Variants in THAP5 observed in about 807,000 individuals in gnomAD.
THAP5 encodes THAP domain containing 5, also known as THAP domain-containing protein 5.
A neutral mutation model predicts 34.0 loss-of-function variants in THAP5; 26 were observed. The ratio of observed to expected loss-of-function variants is 0.77; its 90% confidence interval spans 0.56 to 1.06. The LOEUF (loss-of-function observed/expected upper bound fraction) is 1.06, where lower values mean the gene tolerates loss of function less well. Ranked by LOEUF, THAP5 falls within the 50% of genes least tolerant of loss-of-function variation. The pLI, the probability that THAP5 is intolerant of heterozygous loss-of-function variation, is 0.00. For missense variants in THAP5, 394 were observed against 452.8 expected (o/e 0.87, Z 1.18); for synonymous variants, 125 against 153.0 (o/e 0.82, Z 1.35).
chr7:108,553,176 T>C (rs1864364221), downstream of THAP5, among the ~76,000 whole-genome samples: 1 of 152,262 alleles, frequency 6.6e-6, no homozygotes, highest in South Asian at 2.1e-4. Flanking sequence ...TAAATTACAA[T>C]GTCTTCAGTT....
the THAP5 span, among the ~76,000 whole-genome samples, chr7:108,545,992 C>G: frequency 9.9e-5 from 15 of 152,182 alleles, no homozygotes; most frequent in African/African-American, 3.4e-4. Context: ...GGCAAAAGAG[C>G]CAGCACAGAG....
chr7:108,567,930 AAAGTT>A (rs1159072781), intron 1 of THAP5, among the ~76,000 whole-genome samples: 6 of 152,250 alleles, frequency 3.9e-5, no homozygotes, highest in African/African-American at 1.4e-4. Flanking sequence ...TAAGGTCCAC[AAAGTT>A]TAGTTAAAAA....
At chr7:108,543,320 C>T in the THAP5 span, among the ~76,000 whole-genome samples, 1 of 152,068 alleles carries the variant, frequency 6.6e-6, no homozygotes, top group Non-Finnish European at 1.5e-5. Flanking sequence ...ATTGCTTTCC[C>T]AAGAATGAGT....
rs1284247883 is a variant in THAP5, at chr7:108,563,268, T to G, written c.*923A>C. The G allele has an allele frequency of 6.6e-6, 1 of 152,146 alleles. No individual in the cohort carries two copies. The highest frequency in any genetic ancestry group is 6.5e-5 in the Admixed American group (1 of 15,272). The allele number at this position is 152,146 out of a possible 1,614,324, so 9.4% of individuals were successfully genotyped here. A position where few individuals can be genotyped will look rare whatever the true frequency, so the allele number is the denominator to read the frequency against. ...AAAGTTCTATCTTGGCCAGGCGCGG[T>G]GGCTCACGCCTGTAATCCCAGCACT... is the stretch of plus-strand genomic sequence containing the variant. On this transcript the variant is annotated 3_prime_UTR_variant, in exon 3 of 3. Transcript: ENST00000415914.
At position 108,569,564 on chromosome 7, in the gene THAP5, G is replaced by A. The variant is rs536499673; in HGVS notation, c.6C>T (p.Pro2=). The A allele has an allele frequency of 7.9e-5, 122 of 1,551,554 alleles. No individual in the cohort carries two copies. In the African/African-American group the frequency reaches 1.6e-3, roughly 20 times the overall value. Reference sequence around the variant, plus strand: ...TACAACAAATCGCTGCGCAATAGCGGGGCATGACTCGGGTGAGGCCCCTGG... The same window carrying A: ...TACAACAAATCGCTGCGCAATAGCGAGGCATGACTCGGGTGAGGCCCCTGG... M[P]RYCAAICCKN... The change falls in exon 1 of 3, where the codon CCC becomes CCT. Residue 2 remains proline, a synonymous_variant. Coordinates refer to ENST00000415914, the MANE Select transcript of THAP5 (RefSeq NM_001130475.3).
intron 1 of THAP5, among the ~76,000 whole-genome samples, chr7:108,567,541 C>CT (rs1790511520): frequency 6.6e-6 from 1 of 151,996 alleles, no homozygotes; most frequent in African/African-American, 2.4e-5. Flanking sequence ...AGGTAAATCT[C>CT]TAAGAAATCT....
chr7:108,544,954 A>G, the THAP5 span, among the ~76,000 whole-genome samples: 2 of 152,182 alleles, frequency 1.3e-5, no homozygotes, highest in East Asian at 1.9e-4. Context: ...CCTGGCCTAG[A>G]TTCTCTGTAA....
At chr7:108,541,781 C>G in the THAP5 span, among the ~76,000 whole-genome samples, 1 of 152,200 alleles carries the variant, frequency 6.6e-6, no homozygotes, top group Admixed American at 6.5e-5. Flanking sequence ...GTCTTTAATA[C>G]AGCAGTAAGA....
chr7:108,546,272 C>T, the THAP5 span, among the ~76,000 whole-genome samples: 8 of 152,052 alleles, frequency 5.3e-5, no homozygotes, highest in African/African-American at 1.9e-4. Context: ...AAGTTTTGGC[C>T]TCCACCTCTT....
At chr7:108,548,323 G>C in the THAP5 span, among the ~76,000 whole-genome samples, 1 of 152,028 alleles carries the variant, frequency 6.6e-6, no homozygotes, top group African/African-American at 2.4e-5. Context: ...TTTGTACTAG[G>C]AATTGTGCTA....
At position 108,564,164 on chromosome 7, in the gene THAP5, C is replaced by T; in HGVS notation, c.*27G>A. ...GTTTGGCTGGAAAAAGCTTATTTAA[C>T]AGCCATAGTTTTAAAACCTAGTTAT... On this transcript the variant is annotated 3_prime_UTR_variant, in exon 3 of 3. Coordinates refer to ENST00000415914, the MANE Select transcript of THAP5 (RefSeq NM_001130475.3). 6.6e-7 allele frequency: 1 copy of T among 1,510,880 alleles called. No individual in the cohort carries two copies. Among genetic ancestry groups the T allele is most frequent in the Non-Finnish European group, 8.9e-7 (1 of 1,126,256 alleles). The allele number at this position is 1,510,880 out of a possible 1,614,324, so 93.6% of individuals were successfully genotyped here.
chr7:108,549,124 ACAC>A, the THAP5 span, among the ~76,000 whole-genome samples: 7 of 139,240 alleles, frequency 5.0e-5, no homozygotes, highest in South Asian at 1.2e-3. Context: ...ACACACACAC[ACAC>A]AAGTACTTTT....
At chr7:108,560,792 G>A (rs535735346), downstream of THAP5, among the ~76,000 whole-genome samples, 42 of 151,826 alleles carry the variant, frequency 2.8e-4, no homozygotes, top group African/African-American at 8.5e-4. Context: ...CCAGGCTGGC[G>A]TGCAGTGGCG....
chr7:108,545,910 C>T, the THAP5 span, among the ~76,000 whole-genome samples: 1 of 151,940 alleles, frequency 6.6e-6, no homozygotes, highest in African/African-American at 2.4e-5. Context: ...TTCCCATCTC[C>T]TTTGACATTC....
chr7:108,551,362 C>T (rs1864352477), downstream of THAP5, among the ~76,000 whole-genome samples: 1 of 152,134 alleles, frequency 6.6e-6, no homozygotes, highest in African/African-American at 2.4e-5. Context: ...AAGGGGCTTG[C>T]AAGAATGTGT....
intron 1 of THAP5, chr7:108,569,053 T>C: frequency 3.0e-6 from 3 of 990,894 alleles, no homozygotes; most frequent in Non-Finnish European, 3.6e-6. Flanking sequence ...CGGGCCTCAG[T>C]TTCCTCAGGA....
At chr7:108,555,447 C>T (rs1434452761) in intron 1 of THAP5, among the ~76,000 whole-genome samples, 4 of 152,162 alleles carry the variant, frequency 2.6e-5, no homozygotes, top group South Asian at 4.1e-4. Context: ...GGATTGCAGG[C>T]GTGAGCCATT....
chr7:108,553,621 A>C (rs1377987025), downstream of THAP5, among the ~76,000 whole-genome samples: 3 of 152,190 alleles, frequency 2.0e-5, no homozygotes, highest in Admixed American at 6.5e-5. Flanking sequence ...CATAGGTCCC[A>C]GTTCCTGAAA....
chr7:108,565,612 T>A (rs556675861), intron 2 of THAP5: 1 of 371,420 alleles, frequency 2.7e-6, no homozygotes, highest in African/African-American at 2.1e-5. Context: ...CTTGTGTTAA[T>A]AACTTAATAA....
Sources: gnomAD v4.1 joint callset for allele counts (sites outside exome capture counted in the v4.1 genomes callset) on GRCh38, gnomAD v4.1.1 for gene constraint, MANE v1.5 for transcripts, NCBI Gene and HGNC (gene_info 2026-07-23, HGNC 2026-07-21) for gene names.